Variants in LRRC71 observed in about 807,000 individuals in gnomAD.
The protein encoded by LRRC71 is leucine rich repeat containing 71, also known as leucine-rich repeat-containing protein 71.
In LRRC71, 54 loss-of-function variants were observed where a neutral mutation model predicts 66.6. That is an observed-to-expected ratio of 0.81 (90% CI 0.65 to 1.02). The LOEUF (loss-of-function observed/expected upper bound fraction) is 1.02, where lower values mean the gene tolerates loss of function less well. Among genes scored for constraint, LRRC71 ranks in the 50% least tolerant of loss-of-function variants. LRRC71 has a pLI of 0.00. For synonymous variants in LRRC71, 323 were observed against 303.9 expected (o/e 1.06, Z -0.65); for missense variants, 724 against 718.0 (o/e 1.01, Z -0.10).
the LRRC71 span, among the ~76,000 whole-genome samples, chr1:156,940,842 T>C: frequency 6.6e-6 from 1 of 152,088 alleles, no homozygotes; most frequent in Non-Finnish European, 1.5e-5. Context: ...AAAAGCATTC[T>C]AAGCAGAAGG....
Position 156,927,780 on chromosome 1 carries a change from C to T in LRRC71, c.870C>T (p.Asn290=), listed in dbSNP as rs1278149071. 2 of 1,612,722 alleles carry T rather than the reference C, an allele frequency of 1.2e-6. No homozygotes were observed. Among genetic ancestry groups the T allele is most frequent in the Non-Finnish European group, 1.7e-6 (2 of 1,179,754 alleles). ...TGCTCTGGCTGTCCCTGGCCCACAA[C>T]CGCATCCAGGACAAGGGCGCCCTGA... is the stretch of plus-strand genomic sequence containing the variant. ...RSLLWLSLAH[N]RIQDKGALKL... Residue 290 remains asparagine (N), a synonymous_variant, in exon 8 of 15, where the codon AAC becomes AAT. Coordinates refer to ENST00000337428, the MANE Select transcript of LRRC71 (RefSeq NM_144702.3).
chr1:156,936,497 A>AATATATATATATAT (rs1553192804), downstream of LRRC71, among the ~76,000 whole-genome samples: 43 of 33,904 alleles, frequency 1.3e-3, no homozygotes, highest in South Asian at 1.6e-3. Flanking sequence ...AAAAAAAAAA[A>AATATATATATATAT]ATATATATAT....
At chr1:156,932,145 T>C in intron 13 of LRRC71, 118 bp downstream of exon 13, 1 of 854,428 alleles carries the variant, frequency 1.2e-6, no homozygotes, top group Non-Finnish European at 1.9e-6. Flanking sequence ...TTGGGCTACA[T>C]GTCCCCCAAG....
chr1:156,925,754 C>G (rs949382064), intron 5 of LRRC71, among the ~76,000 whole-genome samples: 2 of 152,200 alleles, frequency 1.3e-5, no homozygotes, highest in Admixed American at 6.5e-5. Flanking sequence ...CGGGGGGGTA[C>G]CCCTCCATGC....
At chr1:156,924,385 A>G in intron 2 of LRRC71, 39 bp from the exon 3 acceptor site, 1 of 1,539,044 alleles carries the variant, frequency 6.5e-7, no homozygotes, top group Non-Finnish European at 8.8e-7. Flanking sequence ...GGGGCCCTGG[A>G]GGTGGCTGTT....
chr1:156,929,502 G>T, intron 10 of LRRC71, 73 bp downstream of exon 10: 1 of 1,596,080 alleles, frequency 6.3e-7, no homozygotes, highest in Non-Finnish European at 8.6e-7. Flanking sequence ...TACAGAGGTG[G>T]TGGAGGGAAG....
chr1:156,937,437 C>A, downstream of LRRC71: 1 of 1,569,580 alleles, frequency 6.4e-7, no homozygotes, highest in Non-Finnish European at 8.6e-7. Flanking sequence ...ATGGGTGCCT[C>A]TGAGTGGTCG....
chr1:156,924,861 G>C, intron 4 of LRRC71, 77 bp from the exon 5 acceptor site: 18 of 1,518,000 alleles, frequency 1.2e-5, no homozygotes, highest in Non-Finnish European at 1.6e-5. Context: ...GCACCGCTGG[G>C]AGAACGGTGT....
At position 156,920,930 on chromosome 1, in the gene LRRC71, C is replaced by T; in HGVS notation, c.127C>T (p.Pro43Ser). ...CAAAGAGAAGCCAGCGACCGTTCTG[C>T]CTCCCGTGGGGGAGGAGGAGCCCAA... ...AAKEKPATVL[P>S]PVGEEEPKSP... Residue 43 changes from proline (P) to serine (S), a missense_variant, in exon 1 of 15, where the codon CCT becomes TCT. Coordinates refer to ENST00000337428, the MANE Select transcript of LRRC71 (RefSeq NM_144702.3). This position sits in a 1 kb window ranked among gnomAD's most constrained non-coding sequence, Gnocchi z 4.9. 10 of 1,539,160 alleles carry T rather than the reference C, an allele frequency of 6.5e-6. No homozygotes were observed. The highest frequency in any genetic ancestry group is 8.8e-6 in the Non-Finnish European group (10 of 1,141,080).
chr1:156,925,033 C>A lies in LRRC71; in HGVS notation c.593+18C>A. 1.3e-6 allele frequency: 2 copies of A among 1,550,810 alleles called. No individual in the cohort carries two copies. The highest frequency in any genetic ancestry group is 1.2e-5 in the South Asian group (1 of 84,044). ...ACGCTCAGGTCAGCAGACTGGGAGG[C>A]CCCCTGTGCCTGGGAAGCCTGGCTG... is the stretch of plus-strand genomic sequence containing the variant. On this transcript the variant is annotated intron_variant, in intron 5 of 14. Coordinates refer to ENST00000337428, the MANE Select transcript of LRRC71 (RefSeq NM_144702.3).
downstream of LRRC71, chr1:156,935,976 C>G (rs762413575): frequency 1.2e-6 from 2 of 1,605,062 alleles, no homozygotes; most frequent in Non-Finnish European, 1.7e-6. Context: ...AGTGGGGACG[C>G]AGAGGATTTG....
chr1:156,939,658 G>T, the LRRC71 span: 29 of 1,613,868 alleles, frequency 1.8e-5, no homozygotes, highest in Non-Finnish European at 2.5e-5. Context: ...GGTCCTTGGG[G>T]GTAGGTGTTC....
chr1:156,933,382 CAT>C (rs1408390435), downstream of LRRC71, among the ~76,000 whole-genome samples: 1 of 152,222 alleles, frequency 6.6e-6, no homozygotes, highest in Non-Finnish European at 1.5e-5. Flanking sequence ...AACTGACACA[CAT>C]AAGCTTGGGA....
At chr1:156,936,371 C>T, downstream of LRRC71, 1 of 431,686 alleles carries the variant, frequency 2.3e-6, no homozygotes, top group Non-Finnish European at 4.5e-6. Context: ...ATGGTGTGCA[C>T]CTGCAATCCC....
Position 156,933,012 on chromosome 1 carries a change from G to A in LRRC71, c.*43G>A, listed in dbSNP as rs1470003975. The A allele has an allele frequency of 4.8e-6, 7 of 1,448,020 alleles. No homozygotes were observed. Among genetic ancestry groups the A allele is most frequent in the Non-Finnish European group, 6.6e-6 (7 of 1,055,686 alleles). The allele number at this position is 1,448,020 out of a possible 1,614,324, so 89.7% of individuals were successfully genotyped here. A position where few individuals can be genotyped will look rare whatever the true frequency, so the allele number is the denominator to read the frequency against. On this transcript the variant is annotated 3_prime_UTR_variant, in exon 15 of 15. Coordinates refer to ENST00000337428, the MANE Select transcript of LRRC71 (RefSeq NM_144702.3). ...GCCTCTAAGACTCGGGGCTACAGAA[G>A]CACCTCCTGTCCCTGTGTGGGGTGA...
At position 156,927,823 on chromosome 1, in the gene LRRC71, G is replaced by A. The variant is rs778826862; in HGVS notation, c.906+7G>A. 6.2e-7 allele frequency: 1 copy of A among 1,613,508 alleles called. No individual in the cohort carries two copies. The highest frequency in any genetic ancestry group is 1.1e-5 in the South Asian group (1 of 91,054). ...CGCCCTGAAGCTGGCTGAGGTGGGT[G>A]TGCCGATCAGGTGGGGCAGGGGCGT... On this transcript the variant is annotated splice_region_variant and intron_variant, in intron 8 of 14. Coordinates refer to ENST00000337428, the MANE Select transcript of LRRC71 (RefSeq NM_144702.3).
Position 156,929,721 on chromosome 1 carries a change from G to C in LRRC71, c.1232G>C (p.Gly411Ala), listed in dbSNP as rs763549537. Residue 411 changes from glycine (G) to alanine (A), a missense_variant, in exon 11 of 15, where the codon GGC (glycine) becomes GCC (alanine). Coordinates refer to ENST00000337428, the MANE Select transcript of LRRC71 (RefSeq NM_144702.3). ...AAGAAGGAAGATGCCACAAAGGCAGGCAAGGGGAGTAAGTGCGGGTGCCCC... is the reference window on the plus strand; with the variant it reads ...AAGAAGGAAGATGCCACAAAGGCAGCCAAGGGGAGTAAGTGCGGGTGCCCC... ...TPKKEDATKA[G>A]KGKVTIPEQK... 2 of 1,564,836 alleles carry C rather than the reference G, an allele frequency of 1.3e-6. No individual in the cohort carries two copies. Among genetic ancestry groups the C allele is most frequent in the East Asian group, 2.4e-5 (1 of 41,804 alleles).
the LRRC71 span, among the ~76,000 whole-genome samples, chr1:156,940,961 C>T: frequency 6.6e-6 from 1 of 152,228 alleles, no homozygotes; most frequent in East Asian, 1.9e-4. Flanking sequence ...CTACCAATCC[C>T]ATCACAGTAA....
rs776080463 is a variant in LRRC71, at chr1:156,927,836, G to C, written c.906+20G>C. On this transcript the variant is annotated intron_variant, in intron 8 of 14. Transcript: ENST00000337428. ...GCTGAGGTGGGTGTGCCGATCAGGT[G>C]GGGCAGGGGCGTGGGCGGGCCGAGG... The C allele has an allele frequency of 6.2e-7, 1 of 1,613,130 alleles. No homozygotes were observed. Among genetic ancestry groups the C allele is most frequent in the Non-Finnish European group, 8.5e-7 (1 of 1,179,568 alleles).
Sources: allele counts gnomAD v4.1 joint callset (sites outside exome capture counted in the v4.1 genomes callset), GRCh38; gene constraint gnomAD v4.1.1; non-coding constraint Gnocchi (gnomAD v3.1); transcripts MANE v1.5; gene names NCBI Gene and HGNC (gene_info 2026-07-23, HGNC 2026-07-21).